CD163L1: variants seen among roughly 807,000 people sequenced by gnomAD.
CD163L1 encodes scavenger receptor cysteine-rich type 1 protein M160.
Under a neutral mutation model 165.4 loss-of-function variants are expected in CD163L1, and 124 were observed. The ratio of observed to expected loss-of-function variants is 0.75; its 90% CI spans 0.65 to 0.87. CD163L1 has a LOEUF of 0.87. CD163L1 is among the 40% of genes least tolerant of loss of function. The pLI is 0.00. For missense variants in CD163L1, 1,525 were observed against 1,799.9 expected (o/e 0.85, Z 2.76); for synonymous variants, 585 against 662.2 (o/e 0.88, Z 1.79).
At chr12:7,376,917 G>T (rs867053138) in intron 9 of CD163L1, among the ~76,000 whole-genome samples, 28 of 152,162 alleles carry the variant, frequency 1.8e-4, no homozygotes, top group South Asian at 6.2e-4. Flanking sequence ...ATCCAGAGAG[G>T]TTATTTAAAA....
intron 6 of CD163L1, among the ~76,000 whole-genome samples, chr12:7,399,109 A>G (rs1212921210): frequency 6.6e-6 from 1 of 152,092 alleles, no homozygotes; most frequent in Non-Finnish European, 1.5e-5. Context: ...CTTGAGAAAT[A>G]TTGAGAAAAT....
At chr12:7,322,399 T>C in the CD163L1 span, 1 of 1,613,140 alleles carries the variant, frequency 6.2e-7, no homozygotes. Context: ...AAAAGACCCA[T>C]GCAACTCTGT....
At chr12:7,345,930 T>C (rs980807193), downstream of CD163L1, among the ~76,000 whole-genome samples, 3 of 151,950 alleles carry the variant, frequency 2.0e-5, no homozygotes, top group African/African-American at 7.3e-5. Flanking sequence ...AAGAACCATA[T>C]ATTGGGAGAA....
chr12:7,434,534 G>C (rs1948688661), intron 2 of CD163L1, among the ~76,000 whole-genome samples: 1 of 152,248 alleles, frequency 6.6e-6, no homozygotes, highest in African/African-American at 2.4e-5. Flanking sequence ...AAATTTTAAA[G>C]CAACCATGAG....
intron 4 of CD163L1, among the ~76,000 whole-genome samples, chr12:7,424,870 T>C (rs964562509): frequency 2.0e-5 from 3 of 152,118 alleles, no homozygotes; most frequent in South Asian, 2.1e-4. Context: ...TCAATGCTCA[T>C]GGATAAAAAG....
Position 7,369,385 on chromosome 12 carries a change from G to C in CD163L1, c.4011C>G (p.His1337Gln), listed in dbSNP as rs1265932307. ...AKPWGQSDCG[H>Q]KEDAGVRCSG... ...AGCACCTCACGCCAGCATCTTCCTT[G>C]TGTCCACAGTCACTCTGTCCCCAGG... is the stretch of plus-strand genomic sequence containing the variant. Residue 1337 changes from histidine to glutamine, a missense_variant, in exon 15 of 20, where the codon CAC (histidine) becomes CAG (glutamine). Transcript: ENST00000313599. This position sits in a 1 kb window ranked among gnomAD's most constrained non-coding sequence, Gnocchi z 4.9. 21 of 1,613,916 alleles carry C rather than the reference G, an allele frequency of 1.3e-5. No homozygotes were observed. Among genetic ancestry groups the C allele is most frequent in the Non-Finnish European group, 1.8e-5 (21 of 1,180,002 alleles).
the CD163L1 span, chr12:7,323,215 A>G: frequency 6.3e-7 from 1 of 1,591,544 alleles, no homozygotes; most frequent in Non-Finnish European, 8.6e-7. Flanking sequence ...TACTTATACA[A>G]AGCTTGTCCT....
Position 7,421,464 on chromosome 12 carries a change from C to CATATATAT in CD163L1, c.766+10944_766+10951dup, listed in dbSNP as rs371156224. Among the ~76,000 whole-genome samples, 3 of 75,486 alleles carry CATATATAT rather than the reference C, an allele frequency of 4.0e-5. No homozygotes were observed. In the Admixed American group the frequency reaches 4.4e-4, roughly 11 times the overall value. The allele number at this position is 75,486 out of a possible 152,430, so 49.5% of individuals were successfully genotyped here. ...ACATATACATATATGTACATATATA[C>CATATATAT]ATATATATACATATATGTACATATA... On this transcript the variant is annotated intron_variant, in intron 4 of 19. Transcript: ENST00000313599.
intron 18 of CD163L1, 21 bp downstream of exon 18, chr12:7,367,215 G>T: frequency 6.8e-7 from 1 of 1,479,368 alleles, no homozygotes; most frequent in Admixed American, 1.7e-5. Flanking sequence ...CATGGAGTGC[G>T]GCCCCTGGAG....
intron 2 of CD163L1, among the ~76,000 whole-genome samples, chr12:7,434,237 G>T (rs746829017): frequency 6.6e-6 from 1 of 152,220 alleles, no homozygotes; most frequent in African/African-American, 2.4e-5. Context: ...AGGAGGAGAA[G>T]ACCTAGTCGT....
chr12:7,430,356 G>A (rs1321088749), intron 4 of CD163L1, among the ~76,000 whole-genome samples: 4 of 152,152 alleles, frequency 2.6e-5, no homozygotes, highest in Non-Finnish European at 1.5e-5. Flanking sequence ...GTAAGAGACA[G>A]ATCACTTAGA....
chr12:7,407,107 CCTTT>C (rs1279461894), intron 4 of CD163L1, among the ~76,000 whole-genome samples: 14 of 152,040 alleles, frequency 9.2e-5, no homozygotes, highest in African/African-American at 2.9e-4. Flanking sequence ...GTAGAAATGC[CCTTT>C]CTGATTGTGA....
At chr12:7,425,347 A>G (rs2136610188) in intron 4 of CD163L1, among the ~76,000 whole-genome samples, 1 of 152,374 alleles carries the variant, frequency 6.6e-6, no homozygotes. Flanking sequence ...GATGGATTAA[A>G]GACTTAAATG....
At chr12:7,388,755 A>C (rs1230820385) in intron 8 of CD163L1, among the ~76,000 whole-genome samples, 5 of 151,354 alleles carry the variant, frequency 3.3e-5, no homozygotes, top group African/African-American at 9.7e-5. Flanking sequence ...AAAAAAAAAA[A>C]AAACAAAGTG....
intron 4 of CD163L1, among the ~76,000 whole-genome samples, chr12:7,424,203 A>T (rs1479799501): frequency 1.3e-5 from 2 of 152,180 alleles, no homozygotes; most frequent in African/African-American, 4.8e-5. Flanking sequence ...AATCCATCAC[A>T]TAAACAGAAC....
At chr12:7,371,350 T>C (rs924814585) in intron 14 of CD163L1, among the ~76,000 whole-genome samples, 6 of 152,190 alleles carry the variant, frequency 3.9e-5, no homozygotes, top group African/African-American at 1.2e-4. Context: ...AAAATAGCTA[T>C]AGTTATTCTC....
In CD163L1 at chr12:7,347,783, A is replaced by G. The variant is rs375869532; in HGVS notation, c.*25-636T>C. Among the ~76,000 whole-genome samples the G allele has an allele frequency of 2.6e-5, 4 of 152,184 alleles. No homozygotes were observed. In the East Asian group the frequency reaches 5.8e-4, roughly 22 times the overall value. On this transcript the variant is annotated intron_variant, in intron 4 of 4. Coordinates refer to the CD163L1 transcript ENST00000539726. This position sits in a 1 kb window ranked among gnomAD's most constrained non-coding sequence, Gnocchi z 4.2. The stretch of plus-strand genomic sequence containing the variant: ...GAGACTCCGTCTCAAAAAAAAAAAG[A>G]AAAAGAAATGGTCTCTTATGCTAAG...
chr12:7,407,577 G>A (rs1261274591), intron 4 of CD163L1, among the ~76,000 whole-genome samples: 2 of 150,808 alleles, frequency 1.3e-5, no homozygotes, highest in African/African-American at 4.9e-5. Context: ...TGTATCATAT[G>A]TAGTGGTCAA....
At chr12:7,326,120 C>G in the CD163L1 span, among the ~76,000 whole-genome samples, 3 of 152,158 alleles carry the variant, frequency 2.0e-5, no homozygotes, top group African/African-American at 7.2e-5. Flanking sequence ...GGGTTTGAAA[C>G]AGCATTTCAA....
Sources: allele counts gnomAD v4.1 joint callset (sites outside exome capture counted in the v4.1 genomes callset), GRCh38; gene constraint gnomAD v4.1.1; non-coding constraint Gnocchi (gnomAD v3.1); transcripts MANE v1.5; gene names NCBI Gene and HGNC (gene_info 2026-07-23, HGNC 2026-07-21).